The following TGFBR2 variants were observed in gnomAD, a reference collection of about 807,000 sequenced individuals.
TGFBR2 encodes the protein TGF-beta receptor type-2.
In TGFBR2, 18 loss-of-function variants were observed where a neutral mutation model predicts 49.0. The observed-to-expected ratio is 0.37, with a 90% confidence interval of 0.25 to 0.54. The LOEUF (loss-of-function observed/expected upper bound fraction) is 0.54, where lower values mean the gene tolerates loss of function less well. TGFBR2 is among the 20% of genes least tolerant of loss of function. TGFBR2 has a pLI of 0.85. For missense variants in TGFBR2, 525 were observed against 722.6 expected, an observed-to-expected ratio of 0.73 and a Z score of 3.13; for synonymous variants, 282 against 275.9, an observed-to-expected ratio of 1.02 and a Z score of -0.22.
At chr3:30,625,199 T>C (rs1230312155) in intron 1 of TGFBR2, among the ~76,000 whole-genome samples, 1 of 152,220 alleles carries the variant, frequency 6.6e-6, no homozygotes. Flanking sequence ...ATCTGGTGGA[T>C]AGGTGATGCT....
rs376358046 is a variant in TGFBR2 at position 30,671,727 on chromosome 3, G to A, written c.544G>A (p.Val182Ile). 1 of 1,614,188 alleles carries A rather than the reference G, an allele frequency of 6.2e-7. No individual in the cohort carries two copies. The highest frequency in any genetic ancestry group is 8.5e-7 in the Non-Finnish European group (1 of 1,180,032). The change falls in exon 4 of 7, where the codon GTC becomes ATC. Residue 182 changes from valine to isoleucine, a missense_variant. Val to Ile is a conservative substitution (Grantham distance 29). Around this residue, in one of 3 missense-constraint regions of TGFBR2, gnomAD observed 376 missense variants for 478.2 expected, o/e 0.79. Coordinates refer to ENST00000295754, the MANE Select transcript of TGFBR2 (RefSeq NM_003242.6). ...GCCACCACTGGGAGTTGCCATATCT[G>A]TCATCATCATCTTCTACTGCTACCG... is the stretch of plus-strand genomic sequence containing the variant. ...LLPPLGVAIS[V>I]IIIFYCYRVN...
chr3:30,640,570 A>G (rs1698625519), intron 1 of TGFBR2, among the ~76,000 whole-genome samples: 1 of 152,252 alleles, frequency 6.6e-6, no homozygotes, highest in African/African-American at 2.4e-5. Flanking sequence ...AATTCTATGT[A>G]AATAGTTGTT....
Position 30,606,691 on chromosome 3 carries a change from G to A in TGFBR2, c.-193G>A, listed in dbSNP as rs886058301. 64 of 389,722 alleles carry A rather than the reference G, an allele frequency of 1.6e-4. No homozygotes were observed. Among genetic ancestry groups the A allele is most frequent in the African/African-American group, 1.1e-3 (54 of 48,470 alleles). The allele number at this position is 389,722 out of a possible 1,614,324, so 24.1% of individuals were successfully genotyped here. ...GTGCAGCTTCCCTCGGCCGCCGGGG[G>A]CCTCCCCGCGCCTCGCCGGCCTCCA... On this transcript the variant is annotated 5_prime_UTR_variant, in exon 1 of 7. Transcript: ENST00000295754.
Position 30,672,055 on chromosome 3 carries a change from AG to A in TGFBR2, c.874del (p.Asp292ThrfsTer8). The A allele has an allele frequency of 6.2e-7, 1 of 1,614,206 alleles. No homozygotes were observed. The highest frequency in any genetic ancestry group is 8.5e-7 in the Non-Finnish European group (1 of 1,180,030). ...GAGTATGCCTCTTGGAAGACAGAGAAGGACATCTTCTCAGACATCAATCTGA... is the reference window on the plus strand; with the variant it reads ...GAGTATGCCTCTTGGAAGACAGAGAAGACATCTTCTCAGACATCAATCTGA... ...YEEYASWKTE[K>X]DIFSDINLKH... is the part of the protein sequence containing the mutation. On this transcript the variant is annotated frameshift_variant, in exon 4 of 7. Transcript: ENST00000295754. LOFTEE classifies it high-confidence loss of function. The surrounding 1 kb of genome is among the most constrained non-coding windows in gnomAD (Gnocchi z 4.5).
chr3:30,646,596 G>A (rs933744233), intron 2 of TGFBR2, among the ~76,000 whole-genome samples: 1 of 152,174 alleles, frequency 6.6e-6, no homozygotes, highest in African/African-American at 2.4e-5. Context: ...CATAAGTTTA[G>A]ACATTTTCAC....
chr3:30,627,133 G>A (rs768569072), intron 1 of TGFBR2, among the ~76,000 whole-genome samples: 9 of 152,260 alleles, frequency 5.9e-5, no homozygotes, highest in Non-Finnish European at 1.2e-4. Flanking sequence ...AGGACTTTCA[G>A]TATCCCCCAA....
chr3:30,651,007 A>C (rs1406620698), intron 3 of TGFBR2, among the ~76,000 whole-genome samples: 1 of 152,154 alleles, frequency 6.6e-6, no homozygotes, highest in Non-Finnish European at 1.5e-5. Context: ...TTTGAGAGAA[A>C]CATTGCAATA....
At chr3:30,627,415 A>G (rs535050276) in intron 1 of TGFBR2, among the ~76,000 whole-genome samples, 1 of 151,992 alleles carries the variant, frequency 6.6e-6, no homozygotes, top group African/African-American at 2.4e-5. Flanking sequence ...TGCCATTTTA[A>G]TGTACTTGAA....
At position 30,688,517 on chromosome 3, in the gene TGFBR2, G is replaced by A. The variant is rs2125452328; in HGVS notation, c.1524+6G>A. On this transcript the variant is annotated splice_donor_region_variant and intron_variant, in intron 6 of 6. Coordinates refer to ENST00000295754, the MANE Select transcript of TGFBR2 (RefSeq NM_003242.6). ...GCTTCTGGCTCAACCACCAGGTAAGGAGTGAGTGTTTACAAAGGTCAGTAA... is the reference window on the plus strand; with the variant it reads ...GCTTCTGGCTCAACCACCAGGTAAGAAGTGAGTGTTTACAAAGGTCAGTAA... 6.2e-7 allele frequency: 1 copy of A among 1,614,174 alleles called. No homozygotes were observed. Among genetic ancestry groups the A allele is most frequent in the Non-Finnish European group, 8.5e-7 (1 of 1,179,980 alleles).
At position 30,692,156 on chromosome 3, in the gene TGFBR2, A is replaced by G. The variant is rs1160041326; in HGVS notation, c.*557A>G. 4.4e-6 allele frequency: 1 copy of G among 225,382 alleles called. No individual in the cohort carries two copies. Among genetic ancestry groups the G allele is most frequent in the East Asian group, 6.4e-5 (1 of 15,634 alleles). The allele number at this position is 225,382 out of a possible 1,614,324, so 14.0% of individuals were successfully genotyped here. A position where few individuals can be genotyped will look rare whatever the true frequency, so the allele number is the denominator to read the frequency against. Reference sequence around the variant, plus strand: ...GAGGCTCCATGTCTCACAGCCAGCTATGACCACATTGCACTTGCTTTTGCA... The same window carrying G: ...GAGGCTCCATGTCTCACAGCCAGCTGTGACCACATTGCACTTGCTTTTGCA... On this transcript the variant is annotated 3_prime_UTR_variant, in exon 7 of 7. Transcript: ENST00000295754.
At chr3:30,625,456 C>A (rs1024339957) in intron 1 of TGFBR2, among the ~76,000 whole-genome samples, 1 of 152,142 alleles carries the variant, frequency 6.6e-6, no homozygotes, top group South Asian at 2.1e-4. Context: ...TTTAATGTTG[C>A]CTTGTAGGGT....
chr3:30,624,220 G>A (rs1197873653), intron 1 of TGFBR2, among the ~76,000 whole-genome samples: 1 of 152,060 alleles, frequency 6.6e-6, no homozygotes, highest in Non-Finnish European at 1.5e-5. Context: ...GACTCACACA[G>A]ACATCTAATA....
At chr3:30,679,507 G>A (rs1268566602) in intron 5 of TGFBR2, among the ~76,000 whole-genome samples, 1 of 152,176 alleles carries the variant, frequency 6.6e-6, no homozygotes, top group Non-Finnish European at 1.5e-5. Context: ...CAGGGGCCTC[G>A]GGAGATGTGT....
intron 3 of TGFBR2, among the ~76,000 whole-genome samples, chr3:30,664,979 T>C (rs1699218311): frequency 6.6e-6 from 1 of 152,240 alleles, no homozygotes; most frequent in South Asian, 2.1e-4. Flanking sequence ...AGGGTGAACA[T>C]TTAGTGGGAT....
At chr3:30,689,235 G>A (rs531176971) in intron 6 of TGFBR2, among the ~76,000 whole-genome samples, 1 of 152,126 alleles carries the variant, frequency 6.6e-6, no homozygotes, top group Non-Finnish European at 1.5e-5. Context: ...GTTTGTTTGG[G>A]GGCACTTTGA....
intron 3 of TGFBR2, among the ~76,000 whole-genome samples, chr3:30,661,121 T>C (rs555515841): frequency 6.6e-6 from 1 of 152,284 alleles, no homozygotes; most frequent in Non-Finnish European, 1.5e-5. Context: ...TGAGGGCCCC[T>C]AGACAGAGTA....
chr3:30,685,481 C>T (rs1380414935), intron 5 of TGFBR2, among the ~76,000 whole-genome samples: 1 of 152,084 alleles, frequency 6.6e-6, no homozygotes, highest in African/African-American at 2.4e-5. Context: ...TGAGGATAAG[C>T]TCTCATGAGA....
At chr3:30,629,974 CAG>C (rs939296007) in intron 1 of TGFBR2, among the ~76,000 whole-genome samples, 1 of 152,178 alleles carries the variant, frequency 6.6e-6, no homozygotes, top group African/African-American at 2.4e-5. Context: ...GTCCTAAAAA[CAG>C]ACTGTGCTTG....
chr3:30,609,599 T>C (rs943796732), intron 1 of TGFBR2, among the ~76,000 whole-genome samples: 4 of 152,222 alleles, frequency 2.6e-5, no homozygotes, highest in Non-Finnish European at 5.9e-5. Context: ...GAAATGACTC[T>C]TTTGGGGAAA....
Sources: allele counts gnomAD v4.1 joint callset (sites outside exome capture counted in the v4.1 genomes callset), GRCh38; gene constraint gnomAD v4.1.1; regional missense constraint gnomAD v4.1.1; non-coding constraint Gnocchi (gnomAD v3.1); transcripts MANE v1.5; gene names NCBI Gene and HGNC (gene_info 2026-07-23, HGNC 2026-07-21).